DDB1: variants seen among roughly 807,000 people sequenced by gnomAD.
DDB1 encodes damage specific DNA binding protein 1, also known as DNA damage-binding protein 1.
A neutral mutation model predicts 133.1 loss-of-function variants in DDB1; 18 were observed. The ratio of observed to expected loss-of-function variants is 0.14; its 90% CI spans 0.09 to 0.20. The LOEUF is 0.20. Among genes scored for constraint, DDB1 ranks in the 10% least tolerant of loss-of-function variants. The probability of loss-of-function intolerance (pLI) is 1.00; values close to 1 mark genes in which losing one functional copy is unlikely to be tolerated. For synonymous variants in DDB1, 580 were observed against 550.5 expected (o/e 1.05, Z -0.75); for missense variants, 828 against 1,459.2 (o/e 0.57, Z 7.05).
chr11:61,306,837 A>T (rs549575561), intron 21 of DDB1, among the ~76,000 whole-genome samples: 83 of 152,292 alleles, frequency 5.5e-4, no homozygotes, highest in African/African-American at 1.9e-3. Flanking sequence ...CAACAGGATG[A>T]CTGTTCTTTT....
intron 7 of DDB1, 84 bp from the exon 8 acceptor site, chr11:61,323,178 G>A: frequency 9.1e-7 from 1 of 1,098,484 alleles, no homozygotes; most frequent in Non-Finnish European, 1.4e-6. Context: ...GACATCTGCT[G>A]AGAAAACTCC....
In DDB1 at chr11:61,322,281, C is replaced by G; in HGVS notation, c.1122+15G>C. 1 of 1,602,428 alleles carries G rather than the reference C, an allele frequency of 6.2e-7. No individual in the cohort carries two copies. The highest frequency in any genetic ancestry group is 1.1e-5 in the South Asian group (1 of 90,800). On this transcript the variant is annotated intron_variant, in intron 9 of 26. Transcript: ENST00000301764. ...TGGGCATATACCAACTATCCACTTT[C>G]AGAATGGCCCTTACCTGCCCCTGCC...
chr11:61,320,973 T>C (rs1193698495), intron 10 of DDB1, among the ~76,000 whole-genome samples: 1 of 151,556 alleles, frequency 6.6e-6, no homozygotes, highest in Non-Finnish European at 1.5e-5. Flanking sequence ...AGCCTCAACC[T>C]CCTGGGCTCA....
intron 10 of DDB1, among the ~76,000 whole-genome samples, chr11:61,316,877 G>A (rs1856077227): frequency 7.6e-6 from 1 of 131,588 alleles, no homozygotes; most frequent in Admixed American, 8.3e-5. Flanking sequence ...CTATGATCAT[G>A]TCATTGCACT....
chr11:61,317,356 G>A (rs944352846), intron 10 of DDB1, among the ~76,000 whole-genome samples: 9 of 151,782 alleles, frequency 5.9e-5, no homozygotes, highest in African/African-American at 2.2e-4. Context: ...CTCGTGATCC[G>A]CCACCTTGGC....
chr11:61,311,945 C>T (rs746848371), intron 17 of DDB1, 44 bp downstream of exon 17: 18 of 1,613,850 alleles, frequency 1.1e-5, no homozygotes, highest in Non-Finnish European at 1.4e-5. Context: ...TCAGAAGCAC[C>T]CTACACCAAC....
At chr11:61,301,119 T>C (rs971299913) in intron 25 of DDB1, 187 bp from the exon 26 acceptor site, 50 of 791,926 alleles carry the variant, frequency 6.3e-5, no homozygotes, top group Non-Finnish European at 9.7e-5. Flanking sequence ...CCTAATCTAA[T>C]TGGTTCTCAA....
At chr11:61,306,238 C>T (rs1855881232) in intron 21 of DDB1, among the ~76,000 whole-genome samples, 1 of 152,222 alleles carries the variant, frequency 6.6e-6, no homozygotes, top group African/African-American at 2.4e-5. Context: ...TCACTTCATT[C>T]TAACTCATAT....
intron 1 of DDB1, 148 bp from the exon 2 acceptor site, chr11:61,331,839 C>A: frequency 9.4e-7 from 1 of 1,064,046 alleles, no homozygotes; most frequent in Middle Eastern, 2.3e-4. Context: ...CCCCTTCTTG[C>A]CAAATCCGGC....
Position 61,310,268 on chromosome 11 carries a change from A to C in DDB1, c.2401+27T>G, listed in dbSNP as rs1202028614. 3.8e-6 allele frequency: 6 copies of C among 1,595,442 alleles called. No individual in the cohort carries two copies. The East Asian group carries it at 1.3e-4, about 36-fold the overall frequency. On this transcript the variant is annotated intron_variant, in intron 19 of 26. Transcript: ENST00000301764. ...GCCTGGATTAGGGAGGGCGTAGATA[A>C]AAATTATCGAAAGAGCTCATGTGCA...
chr11:61,311,316 CATAACACATA>C lies in DDB1; in HGVS notation c.2277+458_2277+467del, dbSNP rs762434845. 1,185 of 142,458 alleles carry C rather than the reference CATAACACATA, an allele frequency of 8.3e-3. 11 individuals carry two copies. Among genetic ancestry groups the C allele is most frequent in the African/African-American group, 0.024 (748 of 31,092 alleles). 8.8% of individuals were successfully genotyped at this position (142,458 alleles called of 1,614,324 possible). A position where few individuals can be genotyped will look rare whatever the true frequency, so the allele number is the denominator to read the frequency against. On this transcript the variant is annotated intron_variant, in intron 18 of 26. Coordinates refer to ENST00000301764, the MANE Select transcript of DDB1 (RefSeq NM_001923.5). Reference sequence around the variant, plus strand: ...CATAACATAACATAACATAACATAACATAACACATAACATAACATAACATAACAAACATAA... The same window carrying C: ...CATAACATAACATAACATAACATAACACATAACATAACATAACAAACATAA...
intron 12 of DDB1, chr11:61,316,037 C>A: frequency 2.5e-6 from 1 of 398,144 alleles, no homozygotes; most frequent in Non-Finnish European, 4.5e-6. Flanking sequence ...TATAATGACC[C>A]GAGTCTATAA....
chr11:61,302,855 C>G (rs1855823676), intron 23 of DDB1, 104 bp from the exon 24 acceptor site: 2 of 1,453,784 alleles, frequency 1.4e-6, no homozygotes, highest in Admixed American at 3.8e-5. Flanking sequence ...CCCTGGGGAG[C>G]TGACATACTC....
chr11:61,310,445 C>G, intron 18 of DDB1, 27 bp from the exon 19 acceptor site: 1 of 1,577,102 alleles, frequency 6.3e-7, no homozygotes. Flanking sequence ...TGCACATCAT[C>G]CTTCTCAAAC....
intron 7 of DDB1, 66 bp downstream of exon 7, chr11:61,323,913 C>A: frequency 2.5e-6 from 4 of 1,570,284 alleles, no homozygotes; most frequent in Non-Finnish European, 3.5e-6. Context: ...AGGTGTGGGA[C>A]CACACATTTG....
chr11:61,311,725 G>T, intron 18 of DDB1, 59 bp downstream of exon 18: 2 of 1,493,664 alleles, frequency 1.3e-6, no homozygotes, highest in Non-Finnish European at 9.1e-7. Context: ...TACCTGGCCT[G>T]TACAGAAAGC....
intron 21 of DDB1, among the ~76,000 whole-genome samples, chr11:61,307,575 C>A (rs1349585493): frequency 6.6e-6 from 1 of 152,248 alleles, no homozygotes; most frequent in Non-Finnish European, 1.5e-5. Flanking sequence ...TCTTCAGATC[C>A]TGTCTCTATG....
Position 61,309,167 on chromosome 11 carries a change from C to A in DDB1, c.2567-90G>T. The A allele has an allele frequency of 2.4e-6, 3 of 1,270,386 alleles. No homozygotes were observed. In the South Asian group the frequency reaches 3.6e-5, roughly 15 times the overall value. 78.7% of individuals were successfully genotyped at this position (1,270,386 alleles called of 1,614,324 possible). A position where few individuals can be genotyped will look rare whatever the true frequency, so the allele number is the denominator to read the frequency against. On this transcript the variant is annotated intron_variant, in intron 20 of 26. Coordinates refer to ENST00000301764, the MANE Select transcript of DDB1 (RefSeq NM_001923.5). ...TCTGGTTGCCCCTGTGGTACAAATT[C>A]TTGCCCCCCAAAACCACTCATCTAA...
intron 6 of DDB1, 176 bp from the exon 7 acceptor site, chr11:61,324,313 G>T: frequency 1.6e-6 from 1 of 615,936 alleles, no homozygotes; most frequent in Non-Finnish European, 2.8e-6. Flanking sequence ...AAAATGGGGA[G>T]CTTTTTTATT....
Sources: allele counts gnomAD v4.1 joint callset (sites outside exome capture counted in the v4.1 genomes callset), GRCh38; gene constraint gnomAD v4.1.1; transcripts MANE v1.5; gene names NCBI Gene and HGNC (gene_info 2026-07-23, HGNC 2026-07-21).